SMARCAD1: variants seen among roughly 807,000 people sequenced by gnomAD.
SMARCAD1 encodes SWI/SNF-related matrix-associated actin-dependent regulator of chromatin subfamily A containing DEAD/H box 1.
Under a neutral mutation model 127.1 loss-of-function variants are expected in SMARCAD1, and 25 were observed. That is an observed-to-expected ratio of 0.20 (90% CI 0.14 to 0.27). The LOEUF (loss-of-function observed/expected upper bound fraction) is 0.27, where lower values mean the gene tolerates loss of function less well. Ranked by LOEUF, SMARCAD1 falls within the 10% of genes least tolerant of loss-of-function variation. The probability of loss-of-function intolerance (pLI) is 1.00; values close to 1 mark genes in which losing one functional copy is unlikely to be tolerated. For missense variants in SMARCAD1, 807 were observed against 1,206.0 expected (o/e 0.67, Z 4.90); for synonymous variants, 400 against 396.9 (o/e 1.01, Z -0.09).
intron 10 of SMARCAD1, 43 bp downstream of exon 10, chr4:94,264,949 A>G (rs367904610): frequency 7.7e-5 from 118 of 1,542,312 alleles, no homozygotes; most frequent in Non-Finnish European, 9.9e-5. Flanking sequence ...TATCTCAATT[A>G]TACAAAATAT....
In SMARCAD1 at chr4:94,253,562, G is replaced by A. The variant is rs542024044; in HGVS notation, c.1281+555G>A. On this transcript the variant is annotated intron_variant, in intron 9 of 23. Coordinates refer to ENST00000354268, the MANE Select transcript of SMARCAD1 (RefSeq NM_020159.5). ...AACATGTTTTTGTTGGTTAAGCAAC[G>A]TGGCCATTTTATGGAGTGTAGCAGG... The A allele has an allele frequency of 3.5e-4, 386 of 1,089,926 alleles. No homozygotes were observed. In the African/African-American group the frequency reaches 5.2e-3, roughly 15 times the overall value. 67.5% of individuals were successfully genotyped at this position (1,089,926 alleles called of 1,614,324 possible). A position where few individuals can be genotyped will look rare whatever the true frequency, so the allele number is the denominator to read the frequency against.
At chr4:94,262,445 A>T (rs1751136797) in intron 9 of SMARCAD1, among the ~76,000 whole-genome samples, 2 of 152,134 alleles carry the variant, frequency 1.3e-5, no homozygotes. Context: ...TTGTCTCTCA[A>T]CTCAAAGCCT....
intron 3 of SMARCAD1, among the ~76,000 whole-genome samples, chr4:94,230,964 A>C (rs1347219202): frequency 6.6e-6 from 1 of 152,226 alleles, no homozygotes; most frequent in African/African-American, 2.4e-5. Flanking sequence ...AACAATGTAC[A>C]GGACAACACA....
At position 94,235,229 on chromosome 4, in the gene SMARCAD1, C is replaced by CTTT. The variant is rs35123705; in HGVS notation, c.537+1134_537+1136dup. On this transcript the variant is annotated intron_variant, in intron 4 of 23. Coordinates refer to ENST00000354268, the MANE Select transcript of SMARCAD1 (RefSeq NM_020159.5). ...TCCCAGTCCCAGGCAACCACCAATC[C>CTTT]TTTTTTTTTTTTTTTTTTTTTTTTT... 2.5e-4 allele frequency among the ~76,000 whole-genome samples: 10 copies of CTTT among 39,304 alleles called. 2 individuals are homozygous for CTTT. The highest frequency in any genetic ancestry group is 1.7e-3 in the East Asian group (2 of 1,180). The allele number at this position is 39,304 out of a possible 152,430, so 25.8% of individuals were successfully genotyped here. A position where few individuals can be genotyped will look rare whatever the true frequency, so the allele number is the denominator to read the frequency against.
At chr4:94,220,538 G>A (rs557590896) in intron 2 of SMARCAD1, among the ~76,000 whole-genome samples, 3 of 152,250 alleles carry the variant, frequency 2.0e-5, no homozygotes, top group South Asian at 2.1e-4. Flanking sequence ...ATGAGCCACC[G>A]TGTCCAGCCC....
chr4:94,268,576 G>A (rs987587533), intron 10 of SMARCAD1, among the ~76,000 whole-genome samples: 4 of 152,112 alleles, frequency 2.6e-5, no homozygotes, highest in Non-Finnish European at 5.9e-5. Flanking sequence ...TAGGATGGGT[G>A]GGTCAGGATG....
chr4:94,210,912 G>A (rs556287814), intron 2 of SMARCAD1, among the ~76,000 whole-genome samples: 1 of 121,210 alleles, frequency 8.3e-6, no homozygotes, highest in East Asian at 2.9e-4. Flanking sequence ...CCAGCCTGGG[G>A]GACAGAGACT....
At chr4:94,285,221 A>G in intron 23 of SMARCAD1, 152 bp downstream of exon 23, 1 of 498,848 alleles carries the variant, frequency 2.0e-6, no homozygotes, top group East Asian at 3.2e-5. Context: ...TGTTTATTTC[A>G]AAATACTAAA....
Position 94,289,613 on chromosome 4 carries a change from G to T in SMARCAD1, c.*79G>T. 1 of 1,199,564 alleles carries T rather than the reference G, an allele frequency of 8.3e-7. No homozygotes were observed. Among genetic ancestry groups the T allele is most frequent in the South Asian group, 1.2e-5 (1 of 82,660 alleles). 74.3% of individuals were successfully genotyped at this position (1,199,564 alleles called of 1,614,324 possible). Reference sequence around the variant, plus strand: ...AGGACATTTACATTATGATGACCATGGGGTTTATGAACATTTATAACTTTT... The same window carrying T: ...AGGACATTTACATTATGATGACCATTGGGTTTATGAACATTTATAACTTTT... On this transcript the variant is annotated 3_prime_UTR_variant, in exon 24 of 24. Coordinates refer to ENST00000354268, the MANE Select transcript of SMARCAD1 (RefSeq NM_020159.5).
rs757552049 is a variant in SMARCAD1 at position 94,290,040 on chromosome 4, A to G, written c.*506A>G. ...TAGCTTTCATTTTATTGCTATTTGA[A>G]GCAGATGTTCACCAATGTCAGCAAG... On this transcript the variant is annotated 3_prime_UTR_variant, in exon 24 of 24. Coordinates refer to ENST00000354268, the MANE Select transcript of SMARCAD1 (RefSeq NM_020159.5). 1.3e-5 allele frequency: 6 copies of G among 454,504 alleles called. No individual in the cohort carries two copies. In the East Asian group the frequency reaches 4.2e-4, roughly 32 times the overall value. The allele number at this position is 454,504 out of a possible 1,614,324, so 28.2% of individuals were successfully genotyped here.
chr4:94,248,433 GGTT>G, intron 6 of SMARCAD1: 2 of 455,928 alleles, frequency 4.4e-6, no homozygotes, highest in Non-Finnish European at 8.8e-6. Context: ...CTCCTCAGCT[GGTT>G]GTTGTCCATC....
At chr4:94,285,196 G>T in intron 23 of SMARCAD1, 127 bp downstream of exon 23, 2 of 616,162 alleles carry the variant, frequency 3.2e-6, no homozygotes, top group South Asian at 2.3e-5. Flanking sequence ...TGTGTGATGT[G>T]GGAGAAGGTA....
In SMARCAD1 at chr4:94,282,092, G is replaced by GT. The variant is rs144409121; in HGVS notation, c.2726+509dup. On this transcript the variant is annotated intron_variant, in intron 21 of 23. Transcript: ENST00000354268. Reference sequence around the variant, plus strand: ...TTCTTTCTGAATTACATGCAAATACGTTTTTTTGTTTTTTTTTTTTTTTTT... The same window carrying GT: ...TTCTTTCTGAATTACATGCAAATACGTTTTTTTTGTTTTTTTTTTTTTTTTT... 9.9e-5 allele frequency among the ~76,000 whole-genome samples: 11 copies of GT among 111,018 alleles called. No homozygotes were observed. In the East Asian group the frequency reaches 1.7e-3, roughly 17 times the overall value. 72.8% of individuals were successfully genotyped at this position (111,018 alleles called of 152,430 possible).
At position 94,221,981 on chromosome 4, in the gene SMARCAD1, TG is replaced by T. The variant is rs1006653429; in HGVS notation, c.191-4132del. On this transcript the variant is annotated intron_variant, in intron 2 of 23. Transcript: ENST00000354268. Reference sequence around the variant, plus strand: ...TTTAGGGGAGTCACTAGGAGACATATGGGGGGTGTAAAACTGGTGGAAGATA... The same window carrying T: ...TTTAGGGGAGTCACTAGGAGACATATGGGGGTGTAAAACTGGTGGAAGATA... 4.6e-5 allele frequency among the ~76,000 whole-genome samples: 7 copies of T among 152,202 alleles called. No individual in the cohort carries two copies. The East Asian group carries it at 7.7e-4, about 17-fold the overall frequency.
At chr4:94,265,717 G>T (rs571792982) in intron 10 of SMARCAD1, among the ~76,000 whole-genome samples, 1 of 151,876 alleles carries the variant, frequency 6.6e-6, no homozygotes, top group Non-Finnish European at 1.5e-5. Flanking sequence ...ACTGTTAATA[G>T]TATGATATTT....
In SMARCAD1 at chr4:94,281,539, A is replaced by G; in HGVS notation, c.2675A>G (p.His892Arg). 1.9e-6 allele frequency: 3 copies of G among 1,613,522 alleles called. No individual in the cohort carries two copies. The highest frequency in any genetic ancestry group is 2.5e-6 in the Non-Finnish European group (3 of 1,179,604). ...MLDILEVLLK[H>R]HQHRYLRLDG... ...GATATCTTAGAGGTTCTATTAAAAC[A>G]TCATCAGCATAGGTACCTCAGATTA... Residue 892 changes from histidine to arginine, a missense_variant, in exon 21 of 24, where the codon CAT becomes CGT. By Grantham distance (29) the His-to-Arg change is conservative. Coordinates refer to ENST00000354268, the MANE Select transcript of SMARCAD1 (RefSeq NM_020159.5).
intron 10 of SMARCAD1, among the ~76,000 whole-genome samples, chr4:94,268,936 G>A (rs77271641): frequency 6.6e-6 from 1 of 152,154 alleles, no homozygotes; most frequent in Non-Finnish European, 1.5e-5. Context: ...TGTTCCATTT[G>A]TTACTACTTT....
chr4:94,255,515 G>A (rs919787336), intron 9 of SMARCAD1, among the ~76,000 whole-genome samples: 3 of 151,802 alleles, frequency 2.0e-5, no homozygotes, highest in African/African-American at 7.3e-5. Context: ...AGATCATTGG[G>A]TTGTTTTCAA....
rs1755654316 is a variant in SMARCAD1 at position 94,291,264 on chromosome 4, G to C, written c.*1730G>C. The C allele has an allele frequency of 4.4e-6, 2 of 449,818 alleles. No homozygotes were observed. The highest frequency in any genetic ancestry group is 8.9e-6 in the Non-Finnish European group (2 of 225,734). 27.9% of individuals were successfully genotyped at this position (449,818 alleles called of 1,614,324 possible). ...TTCCTGTAATGCGCTATTATGTCTT[G>C]GGCTTAATAAAAATATTTGTGATCA... On this transcript the variant is annotated 3_prime_UTR_variant, in exon 24 of 24. Transcript: ENST00000354268.
Sources: allele counts gnomAD v4.1 joint callset (sites outside exome capture counted in the v4.1 genomes callset), GRCh38; gene constraint gnomAD v4.1.1; transcripts MANE v1.5; gene names NCBI Gene and HGNC (gene_info 2026-07-23, HGNC 2026-07-21).